POLR3C: variants seen among roughly 807,000 people sequenced by gnomAD.
POLR3C encodes the protein DNA-directed RNA polymerase III subunit RPC3.
A neutral mutation model predicts 65.9 loss-of-function variants in POLR3C; 44 were observed. The ratio of observed to expected loss-of-function variants is 0.67; its 90% CI spans 0.52 to 0.86. The LOEUF (loss-of-function observed/expected upper bound fraction) is 0.86. Among genes scored for constraint, POLR3C ranks in the 40% least tolerant of loss-of-function variants. The pLI is 0.00. For missense variants in POLR3C, 576 were observed against 653.2 expected (o/e 0.88, Z 1.29); for synonymous variants, 263 against 231.6 (o/e 1.14, Z -1.23).
chr1:145,834,166 G>A (rs1536746), intron 7 of POLR3C, among the ~76,000 whole-genome samples: 71,104 of 151,972 alleles, frequency 0.47, 16,988 homozygotes, highest in East Asian at 0.7. Context: ...CAGTTGTAAC[G>A]CAGTAGCATC....
chr1:145,825,788 A>G lies in POLR3C; in HGVS notation c.12A>G (p.Ala4=). 6.2e-7 allele frequency: 1 copy of G among 1,613,562 alleles called. No individual in the cohort carries two copies. MTQ[A]EIKLCSLLLQ... is the part of the protein sequence containing the mutation. ...GACTCCCCAGTACAATGACTCAAGCAGAAATTAAGCTCTGTTCTTTGTTGC... is the reference window on the plus strand; with the variant it reads ...GACTCCCCAGTACAATGACTCAAGCGGAAATTAAGCTCTGTTCTTTGTTGC... The change falls in exon 2 of 15, where the codon GCA becomes GCG. Residue 4 remains alanine, a synonymous_variant. Coordinates refer to ENST00000334163, the MANE Select transcript of POLR3C (RefSeq NM_006468.8).
intron 11 of POLR3C, among the ~76,000 whole-genome samples, chr1:145,838,751 G>A (rs587757994): frequency 6.6e-6 from 1 of 152,172 alleles, no homozygotes; most frequent in South Asian, 2.1e-4. Context: ...AACCCACCCT[G>A]CCTTTTTTTC....
chr1:145,833,344 G>T lies in POLR3C; in HGVS notation c.763G>T (p.Val255Phe). Reference protein sequence around the residue: ...HFRDQAIVSAVANRMDQTSSE... With the variant: ...HFRDQAIVSAFANRMDQTSSE... ...CCGTGACCAAGCCATTGTGAGCGCA[G>T]TTGCTAACAGGATGGACCAGGTAAT... Residue 255 changes from valine (V) to phenylalanine (F), a missense_variant, in exon 6 of 15, where the codon GTT becomes TTT. Transcript: ENST00000334163. The T allele has an allele frequency of 6.2e-7, 1 of 1,611,692 alleles. No homozygotes were observed. Among genetic ancestry groups the T allele is most frequent in the Non-Finnish European group, 8.5e-7 (1 of 1,177,880 alleles).
chr1:145,839,881 G>A lies in POLR3C; in HGVS notation c.1222-9G>A. The A allele has an allele frequency of 6.8e-7, 1 of 1,474,584 alleles. No homozygotes were observed. Among genetic ancestry groups the A allele is most frequent in the East Asian group, 2.3e-5 (1 of 44,180 alleles). The allele number at this position is 1,474,584 out of a possible 1,614,324, so 91.3% of individuals were successfully genotyped here. On this transcript the variant is annotated splice_polypyrimidine_tract_variant and intron_variant, in intron 11 of 14. Transcript: ENST00000334163. ...ATTTCTGCTATTTTTCTTTCTATTG[G>A]ACAAATAGGAAATTCCCAAAACACC...
chr1:145,836,465 AC>A, intron 7 of POLR3C, 28 bp from the exon 8 acceptor site: 1 of 1,324,772 alleles, frequency 7.5e-7, no homozygotes, highest in Non-Finnish European at 1.1e-6. Flanking sequence ...AAGTTCCCAA[AC>A]CCATTTTAAG....
At chr1:145,840,044 CA>C in intron 12 of POLR3C, 53 bp downstream of exon 12, 2 of 1,482,812 alleles carry the variant, frequency 1.3e-6, no homozygotes, top group South Asian at 2.3e-5. Flanking sequence ...AAGTACCCCT[CA>C]TGTGCCCACT....
chr1:145,841,152 A>G, intron 14 of POLR3C, 81 bp downstream of exon 14: 1 of 1,219,744 alleles, frequency 8.2e-7, no homozygotes, highest in Non-Finnish European at 1.2e-6. Context: ...CCTCCAGCTT[A>G]GCATGAGCAA....
rs1652454694 is a variant in POLR3C, at chr1:145,843,690, A to AG, written c.*1272dup. Among the ~76,000 whole-genome samples, 1 of 152,226 alleles carries AG rather than the reference A, an allele frequency of 6.6e-6. No individual in the cohort carries two copies. Among genetic ancestry groups the AG allele is most frequent in the African/African-American group, 2.4e-5 (1 of 41,458 alleles). The stretch of plus-strand genomic sequence containing the variant: ...AGAAGAGTAAACACTATGTACAGAG[A>AG]GGCCAGAAAGGGAAAAGGGTCAGGC... On this transcript the variant is annotated 3_prime_UTR_variant, in exon 15 of 15. Transcript: ENST00000334163.
Position 145,836,811 on chromosome 1 carries a change from A to C in POLR3C, c.958-4A>C. 6.4e-7 allele frequency: 1 copy of C among 1,570,212 alleles called. No individual in the cohort carries two copies. The highest frequency in any genetic ancestry group is 8.8e-7 in the Non-Finnish European group (1 of 1,141,758). ...CAGTTAACACTCTCTCTTTTTCTTA[A>C]TAGCTAGAGTTTGTTGGAAAGTCTG... On this transcript the variant is annotated splice_region_variant and splice_polypyrimidine_tract_variant and intron_variant, in intron 8 of 14. Transcript: ENST00000334163.
chr1:145,826,637 CT>C lies in POLR3C; in HGVS notation c.332del (p.Leu111ArgfsTer2). The C allele has an allele frequency of 6.2e-7, 1 of 1,614,130 alleles. No individual in the cohort carries two copies. The highest frequency in any genetic ancestry group is 8.5e-7 in the Non-Finnish European group (1 of 1,180,000). On this transcript the variant is annotated frameshift_variant, in exon 3 of 15. Transcript: ENST00000334163. LOFTEE classifies it high-confidence loss of function. ...DTGELIVEEL[L>X]LNGKLTMSAV... ...TGGAGAGCTGATTGTTGAGGAGCTT[CT>C]GTTGAACGGCAAACTGACAATGTCA...
intron 11 of POLR3C, 44 bp downstream of exon 11, chr1:145,838,250 C>A (rs368920400): frequency 1.7e-5 from 27 of 1,559,490 alleles, no homozygotes; most frequent in Non-Finnish European, 2.3e-5. Flanking sequence ...GCAAAGCTGG[C>A]CTAGGGTGAG....
chr1:145,833,673 C>G (rs1651541183), intron 7 of POLR3C, 91 bp downstream of exon 7: 3 of 852,166 alleles, frequency 3.5e-6, no homozygotes, highest in Non-Finnish European at 6.0e-6. Flanking sequence ...GGGTTGAGGT[C>G]TGAGCCTTGA....
Position 145,837,612 on chromosome 1 carries a change from G to C in POLR3C, c.1070+16G>C. 6.3e-7 allele frequency: 1 copy of C among 1,583,316 alleles called. No individual in the cohort carries two copies. The highest frequency in any genetic ancestry group is 8.7e-7 in the Non-Finnish European group (1 of 1,153,166). On this transcript the variant is annotated intron_variant, in intron 10 of 14. Coordinates refer to ENST00000334163, the MANE Select transcript of POLR3C (RefSeq NM_006468.8). ...TACAGGAGAGGTAAGGGGGACACTG[G>C]TTGGGTTTGGGATCACATACTTCCT...
At chr1:145,827,989 C>G (rs768767921) in intron 4 of POLR3C, among the ~76,000 whole-genome samples, 1 of 139,766 alleles carries the variant, frequency 7.2e-6, no homozygotes, top group Non-Finnish European at 1.6e-5. Context: ...GAGTTTAGGC[C>G]TCATGTTTCT....
At position 145,838,091 on chromosome 1, in the gene POLR3C, T is replaced by A. The variant is rs1553729303; in HGVS notation, c.1106T>A (p.Val369Asp). 1 of 1,614,172 alleles carries A rather than the reference T, an allele frequency of 6.2e-7. No homozygotes were observed. The highest frequency in any genetic ancestry group is 2.2e-5 in the East Asian group (1 of 44,878). The stretch of plus-strand genomic sequence containing the variant: ...CGCTGTGCTAGAATATTCCGTCTAG[T>A]TTTGCAGAAGAAACACATAGAGCAG... ...GSRCARIFRL[V>D]LQKKHIEQKQ... The change falls in exon 11 of 15, where the codon GTT becomes GAT. Residue 369 changes from valine to aspartate, a missense_variant. Physicochemically the swap from Val to Asp is radical, Grantham distance 152. Transcript: ENST00000334163.
At chr1:145,841,092 A>C (rs1553730446) in intron 14 of POLR3C, 21 bp downstream of exon 14, 8 of 1,607,374 alleles carry the variant, frequency 5.0e-6, no homozygotes, top group Non-Finnish European at 6.8e-6. Flanking sequence ...TAAACTTCAG[A>C]CCTGCATTTC....
chr1:145,837,675 C>A, intron 10 of POLR3C, 79 bp downstream of exon 10: 1 of 922,066 alleles, frequency 1.1e-6, no homozygotes, highest in Non-Finnish European at 1.8e-6. Flanking sequence ...TGTAAGCCAC[C>A]AATATAACCA....
At position 145,826,873 on chromosome 1, in the gene POLR3C, GAC is replaced by G. The variant is rs781950973; in HGVS notation, c.464_465del (p.His155LeufsTer12). 6.2e-7 allele frequency: 1 copy of G among 1,612,860 alleles called. No individual in the cohort carries two copies. The highest frequency in any genetic ancestry group is 1.1e-5 in the South Asian group (1 of 90,916). On this transcript the variant is annotated frameshift_variant, in exon 4 of 15. Coordinates refer to ENST00000334163, the MANE Select transcript of POLR3C (RefSeq NM_006468.8). LOFTEE classifies it high-confidence loss of function. ...EVSNTFVRLA[D>X]THFVQRCPSV... ...ATCAAACACATTTGTGCGACTGGCA[GAC>G]ACACACTTTGTACAACGCTGCCCTT...
intron 5 of POLR3C, among the ~76,000 whole-genome samples, chr1:145,832,886 G>A (rs1276870734): frequency 6.6e-6 from 1 of 152,120 alleles, no homozygotes; most frequent in African/African-American, 2.4e-5. Context: ...GCCTAGCGCA[G>A]TGGTGGTTGC....
Sources: gnomAD v4.1 joint callset for allele counts (sites outside exome capture counted in the v4.1 genomes callset) on GRCh38, gnomAD v4.1.1 for gene constraint, MANE v1.5 for transcripts, NCBI Gene and HGNC (gene_info 2026-07-23, HGNC 2026-07-21) for gene names.